Variants in RPS6KA2 observed in about 807,000 individuals in gnomAD.
The protein encoded by RPS6KA2 is ribosomal protein S6 kinase alpha-2.
Under a neutral mutation model 91.8 loss-of-function variants are expected in RPS6KA2, and 42 were observed. That is an observed-to-expected ratio of 0.46 (90% CI 0.36 to 0.59). RPS6KA2 has a LOEUF of 0.59. Among genes scored for constraint, RPS6KA2 ranks in the 20% least tolerant of loss-of-function variants. The probability of loss-of-function intolerance (pLI) is 0.00; values close to 1 mark genes in which losing one functional copy is unlikely to be tolerated. For synonymous variants in RPS6KA2, 414 were observed against 393.6 expected, an observed-to-expected ratio of 1.05 and a Z score of -0.61; for missense variants, 798 against 978.5, an observed-to-expected ratio of 0.82 and a Z score of 2.46.
In RPS6KA2 at chr6:166,550,915, C is replaced by T. The variant is rs565603335; in HGVS notation, c.100-12131G>A. On this transcript the variant is annotated intron_variant, in intron 1 of 20. Transcript: ENST00000265678. ...ACTCGGGAGGCTGAGGCAGCGGAAT[C>T]GCTTGAACCTGGGAGGCGGAGGTTG... Among the ~76,000 whole-genome samples, 5 of 145,864 alleles carry T rather than the reference C, an allele frequency of 3.4e-5. No individual in the cohort carries two copies. In the East Asian group the frequency reaches 6.4e-4, roughly 19 times the overall value.
In RPS6KA2 at chr6:166,635,896, A is replaced by T. The variant is rs147588925; in HGVS notation, c.124-97112T>A. On this transcript the variant is annotated intron_variant, in intron 2 of 21. Transcript: ENST00000503859. This position sits in a 1 kb window ranked among gnomAD's most constrained non-coding sequence, Gnocchi z 4.8. Reference sequence around the variant, plus strand: ...CCTGCTCGTCTTCTGCGTCCACTCCAGGACAAGCCACCAACCCTACTCTAG... The same window carrying T: ...CCTGCTCGTCTTCTGCGTCCACTCCTGGACAAGCCACCAACCCTACTCTAG... Among the ~76,000 whole-genome samples the T allele has an allele frequency of 1.5e-4, 23 of 152,254 alleles. No individual in the cohort carries two copies. The highest frequency in any genetic ancestry group is 3.4e-4 in the Non-Finnish European group (23 of 67,994).
chr6:166,627,383 G>A (rs1472445332), upstream of RPS6KA2: 4 of 239,760 alleles, frequency 1.7e-5, no homozygotes, highest in Non-Finnish European at 2.6e-5. Flanking sequence ...GCCAATCAGC[G>A]CTCACCACCC....
At chr6:166,764,475 CA>C in intron 2 of RPS6KA2, among the ~76,000 whole-genome samples, 1 of 152,224 alleles carries the variant, frequency 6.6e-6, no homozygotes, top group Non-Finnish European at 1.5e-5. Flanking sequence ...CCTCACAAGG[CA>C]GCTCAATGAA....
intron 10 of RPS6KA2, chr6:166,475,829 C>G: frequency 1.9e-6 from 1 of 517,414 alleles, no homozygotes; most frequent in Non-Finnish European, 3.9e-6. Context: ...GGCAGAGGGC[C>G]GTTTTCTCAC....
intron 2 of RPS6KA2, among the ~76,000 whole-genome samples, chr6:166,715,318 C>T (rs1410016634): frequency 6.6e-6 from 1 of 152,190 alleles, no homozygotes; most frequent in African/African-American, 2.4e-5. Context: ...CGGGCCTTCT[C>T]CCTGCATGGG....
chr6:166,427,900 C>T (rs1434118253), intron 16 of RPS6KA2, among the ~76,000 whole-genome samples: 1 of 152,118 alleles, frequency 6.6e-6, no homozygotes, highest in African/African-American at 2.4e-5. Flanking sequence ...GATTCAATGC[C>T]ATCCCGATCA....
intron 2 of RPS6KA2, chr6:166,757,824 C>T: frequency 3.3e-6 from 1 of 302,152 alleles, no homozygotes; most frequent in Non-Finnish European, 6.5e-6. Context: ...AGACAAAACC[C>T]CCGCTTTGCA....
In RPS6KA2 at chr6:166,412,908, G is replaced by A. The variant is rs753288878; in HGVS notation, c.2077-21C>T. 8 of 1,542,156 alleles carry A rather than the reference G, an allele frequency of 5.2e-6. No individual in the cohort carries two copies. In the South Asian group the frequency reaches 9.6e-5, roughly 18 times the overall value. ...GCGCCCTGCAAAACAGAAGACAAGG[G>A]TGAGAGCCGCGGCGCCTCACTCCAG... is the stretch of plus-strand genomic sequence containing the variant. On this transcript the variant is annotated intron_variant, in intron 20 of 20. Transcript: ENST00000265678. The surrounding 1 kb of genome is among the most constrained non-coding windows in gnomAD (Gnocchi z 4.3).
chr6:166,744,590 C>T (rs563035037), intron 2 of RPS6KA2, among the ~76,000 whole-genome samples: 13 of 152,338 alleles, frequency 8.5e-5, no homozygotes, highest in Middle Eastern at 3.4e-3. Context: ...GCCGCGCACC[C>T]GTGCAGCAGG....
chr6:166,755,217 G>A (rs142666769), intron 2 of RPS6KA2, among the ~76,000 whole-genome samples: 10 of 152,264 alleles, frequency 6.6e-5, no homozygotes, highest in Non-Finnish European at 7.4e-5. Flanking sequence ...ATCTTCCAAG[G>A]GCAGCTTGCT....
intron 2 of RPS6KA2, among the ~76,000 whole-genome samples, chr6:166,747,280 AAGGACACTC>A (rs1791049733): frequency 6.6e-6 from 1 of 152,088 alleles, no homozygotes; most frequent in Non-Finnish European, 1.5e-5. Flanking sequence ...TTCGTGTACA[AAGGACACTC>A]ATCACTTCAC....
chr6:166,799,592 GTTTT>G (rs60875272), intron 2 of RPS6KA2, among the ~76,000 whole-genome samples: 1 of 143,988 alleles, frequency 6.9e-6, no homozygotes, highest in Non-Finnish European at 1.5e-5. Context: ...GCATTTTCAT[GTTTT>G]TTTTTTTTTT....
At chr6:166,655,990 C>T (rs945290286) in intron 2 of RPS6KA2, among the ~76,000 whole-genome samples, 10 of 152,176 alleles carry the variant, frequency 6.6e-5, no homozygotes, top group Non-Finnish European at 1.2e-4. Context: ...AACAGGCGCC[C>T]TGCGGTAGAT....
At chr6:166,668,324 G>A (rs1244615744) in intron 2 of RPS6KA2, among the ~76,000 whole-genome samples, 2 of 152,128 alleles carry the variant, frequency 1.3e-5, no homozygotes, top group Admixed American at 1.3e-4. Flanking sequence ...CAGTTCATAT[G>A]GTGGGGTAGT....
chr6:166,619,829 C>G (rs1409253719), intron 1 of RPS6KA2, among the ~76,000 whole-genome samples: 1 of 152,238 alleles, frequency 6.6e-6, no homozygotes, highest in African/African-American at 2.4e-5. Context: ...TTCTAGAGAA[C>G]TAGTTGCAAT....
At chr6:166,568,451 TA>T (rs1378272297) in intron 1 of RPS6KA2, among the ~76,000 whole-genome samples, 1 of 148,662 alleles carries the variant, frequency 6.7e-6, no homozygotes, top group Non-Finnish European at 1.5e-5. Flanking sequence ...CTGTCTCTAC[TA>T]AAGATACAAA....
intron 2 of RPS6KA2, among the ~76,000 whole-genome samples, chr6:166,646,344 G>A (rs1280960295): frequency 6.6e-6 from 1 of 152,178 alleles, no homozygotes; most frequent in African/African-American, 2.4e-5. Context: ...CGCCCACACG[G>A]CCATTGCCCT....
chr6:166,856,935 G>A (rs1178239038), intron 2 of RPS6KA2, among the ~76,000 whole-genome samples: 1 of 152,236 alleles, frequency 6.6e-6, no homozygotes, highest in East Asian at 1.9e-4. Flanking sequence ...CAAGCATAGT[G>A]TTCAAGAACG....
At chr6:166,856,055 C>A (rs1780892761) in intron 2 of RPS6KA2, among the ~76,000 whole-genome samples, 1 of 152,168 alleles carries the variant, frequency 6.6e-6, no homozygotes, top group African/African-American at 2.4e-5. Flanking sequence ...GAGAACACGA[C>A]AACTTGAGAC....
Sources: allele counts gnomAD v4.1 joint callset (sites outside exome capture counted in the v4.1 genomes callset), GRCh38; gene constraint gnomAD v4.1.1; non-coding constraint Gnocchi (gnomAD v3.1); transcripts MANE v1.5; gene names NCBI Gene and HGNC (gene_info 2026-07-23, HGNC 2026-07-21).